Variants in COMMD10 observed in about 807,000 individuals in gnomAD.
COMMD10 encodes COMM domain-containing protein 10.
COMMD10 carries 33 observed loss-of-function variants against 28.9 expected under a neutral mutation model. The observed-to-expected ratio is 1.14, with a 90% confidence interval of 0.87 to 1.53. COMMD10 has a LOEUF of 1.53. Among genes scored for constraint, COMMD10 ranks in the 40% most tolerant of loss-of-function variants. The probability of loss-of-function intolerance (pLI) is 0.00; values close to 1 mark genes in which losing one functional copy is unlikely to be tolerated. For missense variants in COMMD10, 310 were observed against 233.4 expected (o/e 1.33, Z -2.14); for synonymous variants, 110 against 81.7 (o/e 1.35, Z -1.87).
chr5:116,159,638 C>T (rs1181707649), intron 5 of COMMD10, among the ~76,000 whole-genome samples: 1 of 152,194 alleles, frequency 6.6e-6, no homozygotes, highest in African/African-American at 2.4e-5. Context: ...GTGCCCCAAA[C>T]ACTAGATGCT....
At chr5:116,201,099 T>C (rs1748654001) in intron 5 of COMMD10, among the ~76,000 whole-genome samples, 1 of 152,158 alleles carries the variant, frequency 6.6e-6, no homozygotes, top group Non-Finnish European at 1.5e-5. Flanking sequence ...GGTATTTTCT[T>C]TCTCCCACCT....
At chr5:116,126,129 C>T (rs7729396) in intron 4 of COMMD10, among the ~76,000 whole-genome samples, 76,481 of 151,406 alleles carry the variant, frequency 0.51, 21,834 homozygotes, top group Non-Finnish European at 0.65. Context: ...TCCTATACGC[C>T]AATAACAAAC....
chr5:116,168,787 C>T (rs936363956), intron 5 of COMMD10, among the ~76,000 whole-genome samples: 1 of 152,108 alleles, frequency 6.6e-6, no homozygotes, highest in Non-Finnish European at 1.5e-5. Context: ...CCAATGAGAA[C>T]AAAGACACAA....
At chr5:116,251,426 A>C (rs147969183) in intron 5 of COMMD10, among the ~76,000 whole-genome samples, 3 of 127,020 alleles carry the variant, frequency 2.4e-5, no homozygotes, top group South Asian at 2.7e-4. Flanking sequence ...ATATCTCCCA[A>C]TGCTATCCCT....
At chr5:116,291,085 G>A (rs1293621852) in intron 5 of COMMD10, among the ~76,000 whole-genome samples, 3 of 152,116 alleles carry the variant, frequency 2.0e-5, no homozygotes, top group Non-Finnish European at 4.4e-5. Flanking sequence ...GTGCTTGGAG[G>A]CAGTAGCTGT....
chr5:116,212,738 C>T (rs7723648), intron 5 of COMMD10, among the ~76,000 whole-genome samples: 48,789 of 151,828 alleles, frequency 0.32, 11,086 homozygotes, highest in African/African-American at 0.65. Flanking sequence ...TAATGGTTTG[C>T]TTCAACTTAA....
chr5:116,221,337 C>G (rs1352367804), intron 5 of COMMD10, among the ~76,000 whole-genome samples: 1 of 152,158 alleles, frequency 6.6e-6, no homozygotes, highest in African/African-American at 2.4e-5. Flanking sequence ...ATTTGAGGGT[C>G]TCCTCCCATC....
In COMMD10 at chr5:116,092,586, A is replaced by G; in HGVS notation, c.285A>G (p.Gln95=). Reference sequence around the variant, plus strand: ...TGAAGCCAGCAGCTTTGCAGCAGCAATTAGAGAACATTCATCTTAGACAAG... The same window carrying G: ...TGAAGCCAGCAGCTTTGCAGCAGCAGTTAGAGAACATTCATCTTAGACAAG... The part of the protein sequence containing the change: ...HNVKPAALQQ[Q]LENIHLRQDK... The change falls in exon 4 of 7, where the codon CAA becomes CAG. Residue 95 remains glutamine, a synonymous_variant. Coordinates refer to ENST00000274458, the MANE Select transcript of COMMD10 (RefSeq NM_016144.4). 2 of 1,611,078 alleles carry G rather than the reference A, an allele frequency of 1.2e-6. No individual in the cohort carries two copies. The highest frequency in any genetic ancestry group is 2.2e-5 in the East Asian group (1 of 44,830).
intron 5 of COMMD10, among the ~76,000 whole-genome samples, chr5:116,173,807 T>C (rs569723465): frequency 6.6e-5 from 10 of 151,706 alleles, no homozygotes; most frequent in Admixed American, 4.6e-4. Flanking sequence ...CCATTTTTTT[T>C]CCAACTGTTT....
At chr5:116,118,192 T>C (rs1751305361) in intron 4 of COMMD10, among the ~76,000 whole-genome samples, 1 of 152,222 alleles carries the variant, frequency 6.6e-6, no homozygotes, top group Admixed American at 6.5e-5. Context: ...CATTTGTCAG[T>C]GAATCTTTCC....
At chr5:116,135,491 G>C (rs1751999556) in intron 5 of COMMD10, among the ~76,000 whole-genome samples, 1 of 152,130 alleles carries the variant, frequency 6.6e-6, no homozygotes, top group Non-Finnish European at 1.5e-5. Context: ...TATGAACTTA[G>C]TGGTTAGAGT....
At chr5:116,195,211 C>T (rs1301059957) in intron 5 of COMMD10, among the ~76,000 whole-genome samples, 4 of 152,064 alleles carry the variant, frequency 2.6e-5, no homozygotes, top group East Asian at 3.9e-4. Context: ...CAACATAATA[C>T]TGAATGAGGA....
At chr5:116,248,849 G>GA (rs1281275206) in intron 5 of COMMD10, among the ~76,000 whole-genome samples, 3 of 151,474 alleles carry the variant, frequency 2.0e-5, no homozygotes, top group African/African-American at 7.3e-5. Flanking sequence ...ACCAGAGACA[G>GA]AAAAAAACAA....
intron 5 of COMMD10, among the ~76,000 whole-genome samples, chr5:116,211,555 A>C (rs1748964383): frequency 6.6e-6 from 1 of 152,146 alleles, no homozygotes. Flanking sequence ...TCATTGACCA[A>C]AACATCATTA....
chr5:116,253,994 A>G (rs1288386678), intron 5 of COMMD10, among the ~76,000 whole-genome samples: 1 of 152,160 alleles, frequency 6.6e-6, no homozygotes, highest in Non-Finnish European at 1.5e-5. Context: ...TGGTCTTTTC[A>G]GAGATTGAAC....
At chr5:116,209,726 C>T (rs183853070) in intron 5 of COMMD10, among the ~76,000 whole-genome samples, 3 of 152,236 alleles carry the variant, frequency 2.0e-5, no homozygotes, top group African/African-American at 7.2e-5. Flanking sequence ...TTTCAATTAA[C>T]TTTCTCCACG....
At chr5:116,085,115 T>TG (rs778689883) in intron 1 of COMMD10, 22 bp downstream of exon 1, 1 of 1,591,018 alleles carries the variant, frequency 6.3e-7, no homozygotes, top group South Asian at 1.1e-5. Flanking sequence ...GTTAAGCTCT[T>TG]GCGGTAGCCG....
chr5:116,258,269 C>G (rs42959), intron 5 of COMMD10, among the ~76,000 whole-genome samples: 76,802 of 151,552 alleles, frequency 0.51, 22,683 homozygotes, highest in Non-Finnish European at 0.66. Flanking sequence ...CTATTCCTCC[C>G]CTAGATAAGA....
At chr5:116,276,485 C>G (rs1026185198) in intron 5 of COMMD10, among the ~76,000 whole-genome samples, 2 of 151,812 alleles carry the variant, frequency 1.3e-5, no homozygotes, top group African/African-American at 4.9e-5. Flanking sequence ...ATCCACCCAC[C>G]TCAGCCTCCC....
Sources: allele counts gnomAD v4.1 joint callset (sites outside exome capture counted in the v4.1 genomes callset), GRCh38; gene constraint gnomAD v4.1.1; transcripts MANE v1.5; gene names NCBI Gene and HGNC (gene_info 2026-07-23, HGNC 2026-07-21).